The following DIXDC1 variants were observed in gnomAD, a reference collection of about 807,000 sequenced individuals.
The protein encoded by DIXDC1 is dixin.
A neutral mutation model predicts 103.1 loss-of-function variants in DIXDC1; 64 were observed. The observed-to-expected ratio is 0.62, with a 90% CI of 0.51 to 0.76. The LOEUF (loss-of-function observed/expected upper bound fraction) is 0.76. DIXDC1 is among the 30% of genes least tolerant of loss of function. The pLI is 0.00. For missense variants in DIXDC1, 759 were observed against 834.2 expected, an observed-to-expected ratio of 0.91 and a Z score of 1.11; for synonymous variants, 266 against 298.5, an observed-to-expected ratio of 0.89 and a Z score of 1.12.
Position 111,993,699 on chromosome 11 carries a change from G to C in DIXDC1, c.1396G>C (p.Asp466His). 6.2e-7 allele frequency: 1 copy of C among 1,614,058 alleles called. No individual in the cohort carries two copies. Among genetic ancestry groups the C allele is most frequent in the Non-Finnish European group, 8.5e-7 (1 of 1,179,900 alleles). ...VDLERELEHK[D>H]VLLAHCMKRE... ...TCTAGAGCGAGAGCTAGAACACAAA[G>C]ATGTCCTCTTGGCTCACTGTATGAA... The change falls in exon 14 of 20, where the codon GAT becomes CAT. Residue 466 changes from aspartate to histidine, a missense_variant. Physicochemically the swap from Asp to His is moderately conservative, Grantham distance 81. Transcript: ENST00000440460.
intron 1 of DIXDC1, among the ~76,000 whole-genome samples, chr11:111,952,112 C>T (rs980809375): frequency 9.2e-5 from 14 of 152,048 alleles, no homozygotes; most frequent in Admixed American, 3.3e-4. Context: ...GTGATCTGCC[C>T]GCCTCAGCCT....
chr11:111,959,590 T>G (rs1249602502), intron 1 of DIXDC1, among the ~76,000 whole-genome samples: 1 of 152,202 alleles, frequency 6.6e-6, no homozygotes, highest in Non-Finnish European at 1.5e-5. Flanking sequence ...CTTGCCAGAC[T>G]GAGTGGGCCC....
chr11:111,998,142 A>ATTCTCTAAAAGTCTCCTGGAAACTTTC lies in DIXDC1; in HGVS notation c.1756+2001_1756+2027dup, dbSNP rs1419590805. On this transcript the variant is annotated intron_variant, in intron 17 of 19. Coordinates refer to ENST00000440460, the MANE Select transcript of DIXDC1 (RefSeq NM_001037954.4). The surrounding 1 kb of genome is among the most constrained non-coding windows in gnomAD (Gnocchi z 4.1). ...CATTGTCTTTTCAAAAGCATTTACTATTCTCTAAAAGTCTCCTGGAAACTT... is the reference window on the plus strand; with the variant it reads ...CATTGTCTTTTCAAAAGCATTTACTATTCTCTAAAAGTCTCCTGGAAACTTTCTTCTCTAAAAGTCTCCTGGAAACTT... Among the ~76,000 whole-genome samples, 38 of 152,324 alleles carry ATTCTCTAAAAGTCTCCTGGAAACTTTC rather than the reference A, an allele frequency of 2.5e-4. No homozygotes were observed. The highest frequency in any genetic ancestry group is 8.7e-4 in the African/African-American group (36 of 41,572).
intron 17 of DIXDC1, among the ~76,000 whole-genome samples, chr11:112,006,092 G>A (rs374833633): frequency 2.6e-5 from 4 of 152,264 alleles, no homozygotes; most frequent in East Asian, 1.9e-4. Context: ...CAAATACTGC[G>A]CGTTTTCAAC....
intron 2 of DIXDC1, among the ~76,000 whole-genome samples, chr11:111,931,558 A>G (rs1966018698): frequency 1.3e-5 from 2 of 151,576 alleles, no homozygotes; most frequent in African/African-American, 4.9e-5. Flanking sequence ...CAGGAGAATC[A>G]CTTGAACCCG....
intron 1 of DIXDC1, among the ~76,000 whole-genome samples, chr11:111,955,114 A>T (rs1017054892): frequency 2.0e-5 from 3 of 152,076 alleles, no homozygotes; most frequent in Admixed American, 1.3e-4. Context: ...AATAAAAGGA[A>T]CCAGAGTTCT....
intron 2 of DIXDC1, among the ~76,000 whole-genome samples, chr11:111,968,204 C>T (rs1555171760): frequency 6.6e-6 from 1 of 152,164 alleles, no homozygotes; most frequent in Non-Finnish European, 1.5e-5. Context: ...TTCTTTTTCT[C>T]TCCTTTTTCT....
At chr11:111,997,348 G>A (rs587682723) in intron 17 of DIXDC1, among the ~76,000 whole-genome samples, 17 of 151,408 alleles carry the variant, frequency 1.1e-4, no homozygotes, top group Admixed American at 8.5e-4. Flanking sequence ...TTTTTTTAGC[G>A]GCGGGGGATG....
At chr11:111,961,340 G>C (rs1859570967) in intron 1 of DIXDC1, among the ~76,000 whole-genome samples, 1 of 152,328 alleles carries the variant, frequency 6.6e-6, no homozygotes, top group East Asian at 1.9e-4. Context: ...AGTGGAAAGA[G>C]CATTGGCTTG....
At position 111,937,344 on chromosome 11, in the gene DIXDC1, G is replaced by A; in HGVS notation, c.-156G>A. ...CGAGCATGCCCAGTGCAAGCCGCTA[G>A]TTTGGCTCCAGTCTAGGTTTCCAGT... On this transcript the variant is annotated 5_prime_UTR_variant, in exon 1 of 20. Transcript: ENST00000440460. 1.4e-6 allele frequency: 2 copies of A among 1,424,600 alleles called. No homozygotes were observed. The highest frequency in any genetic ancestry group is 5.3e-5 in the East Asian group (2 of 37,474). 88.2% of individuals were successfully genotyped at this position (1,424,600 alleles called of 1,614,324 possible).
At chr11:111,951,572 G>A (rs1189820077) in intron 1 of DIXDC1, among the ~76,000 whole-genome samples, 1 of 151,962 alleles carries the variant, frequency 6.6e-6, no homozygotes, top group East Asian at 1.9e-4. Context: ...AGTGGCCAGG[G>A]GCCCCAAAAT....
intron 17 of DIXDC1, among the ~76,000 whole-genome samples, chr11:112,009,358 A>G (rs922916016): frequency 3.3e-5 from 5 of 152,216 alleles, no homozygotes; most frequent in Admixed American, 3.3e-4. Context: ...ATGGATTTAC[A>G]GCCAAATTCT....
chr11:111,986,925 G>T lies in DIXDC1; in HGVS notation c.1062+1G>T, dbSNP rs782563469. On this transcript the variant is annotated splice_donor_variant, in intron 9 of 19. Transcript: ENST00000440460. LOFTEE classifies it high-confidence loss of function. ...TATGGAGGAGAATCAGGACTTAAAG[G>T]TATGTCAAGACATGTACATTTTACC... 2 of 1,568,098 alleles carry T rather than the reference G, an allele frequency of 1.3e-6. No individual in the cohort carries two copies. Among genetic ancestry groups the T allele is most frequent in the Non-Finnish European group, 1.7e-6 (2 of 1,154,454 alleles).
rs587605977 is a variant in DIXDC1, at chr11:111,986,927, A to T, written c.1062+3A>T. The T allele has an allele frequency of 1.9e-6, 3 of 1,569,254 alleles. No homozygotes were observed. In the South Asian group the frequency reaches 3.5e-5, roughly 18 times the overall value. On this transcript the variant is annotated splice_donor_region_variant and intron_variant, in intron 9 of 19. Transcript: ENST00000440460. The stretch of plus-strand genomic sequence containing the variant: ...TGGAGGAGAATCAGGACTTAAAGGT[A>T]TGTCAAGACATGTACATTTTACCCC...
intron 12 of DIXDC1, 111 bp from the exon 13 acceptor site, chr11:111,993,385 A>C: frequency 9.1e-7 from 1 of 1,103,494 alleles, no homozygotes; most frequent in Admixed American, 2.1e-5. Flanking sequence ...TGAGGAAAGG[A>C]CTTTTTTTCC....
rs144163291 is a variant in DIXDC1, at chr11:111,955,673, A to G, written c.61-8876A>G. ...AACATGGTGAAACCCCATCTCTACT[A>G]AAAATACAAAAATTAGCCAGGCATA... On this transcript the variant is annotated intron_variant, in intron 1 of 19. Coordinates refer to ENST00000440460, the MANE Select transcript of DIXDC1 (RefSeq NM_001037954.4). Among the ~76,000 whole-genome samples the G allele has an allele frequency of 2.1e-3, 316 of 151,624 alleles. 1 individual carries two copies. Among genetic ancestry groups the G allele is most frequent in the Non-Finnish European group, 3.7e-3 (248 of 67,876 alleles).
intron 1 of DIXDC1, among the ~76,000 whole-genome samples, chr11:111,964,108 C>T (rs1221033103): frequency 6.6e-6 from 1 of 152,140 alleles, no homozygotes; most frequent in African/African-American, 2.4e-5. Context: ...AAGAGCAATT[C>T]GTATGAGTAT....
chr11:111,940,683 A>T (rs1966388902), intron 1 of DIXDC1, among the ~76,000 whole-genome samples: 2 of 152,156 alleles, frequency 1.3e-5, no homozygotes, highest in Admixed American at 6.5e-5. Context: ...TTGAAAGGGG[A>T]TGGATAAAAG....
intron 17 of DIXDC1, among the ~76,000 whole-genome samples, chr11:112,010,519 A>C (rs1861383090): frequency 6.6e-6 from 1 of 152,124 alleles, no homozygotes; most frequent in Admixed American, 6.6e-5. Context: ...AAGGAACAAA[A>C]CTGGAGGCAT....
Sources: gnomAD v4.1 joint callset for allele counts (sites outside exome capture counted in the v4.1 genomes callset) on GRCh38, gnomAD v4.1.1 for gene constraint, Gnocchi (gnomAD v3.1) non-coding constraint, MANE v1.5 for transcripts, NCBI Gene and HGNC (gene_info 2026-07-23, HGNC 2026-07-21) for gene names.